RGS6: variants seen among roughly 807,000 people sequenced by gnomAD.
RGS6 encodes the protein regulator of G-protein signaling 6.
Under a neutral mutation model 78.5 loss-of-function variants are expected in RGS6, and 30 were observed. The ratio of observed to expected loss-of-function variants is 0.38; its 90% CI spans 0.29 to 0.52. RGS6 has a LOEUF of 0.52. RGS6 is among the 20% of genes least tolerant of loss of function. RGS6 has a pLI of 0.85. For missense variants in RGS6, 495 were observed against 609.7 expected, an observed-to-expected ratio of 0.81 and a Z score of 1.98; for synonymous variants, 206 against 206.0, an observed-to-expected ratio of 1.00 and a Z score of 0.00.
At chr14:72,356,817 A>G (rs372293720) in intron 3 of RGS6, among the ~76,000 whole-genome samples, 35 of 152,314 alleles carry the variant, frequency 2.3e-4, no homozygotes, top group Middle Eastern at 6.8e-3. Flanking sequence ...ACTTTCTGCC[A>G]TGATTGTAAG....
At chr14:72,251,293 T>C (rs563642718) in intron 2 of RGS6, among the ~76,000 whole-genome samples, 2 of 152,300 alleles carry the variant, frequency 1.3e-5, no homozygotes, top group African/African-American at 4.8e-5. Context: ...GAATTTTGCT[T>C]TCTTCTCTTC....
chr14:72,362,098 A>G (rs1032228333), intron 3 of RGS6, among the ~76,000 whole-genome samples: 1 of 152,210 alleles, frequency 6.6e-6, no homozygotes, highest in African/African-American at 2.4e-5. Context: ...TGAGTAATAA[A>G]TGCCTGCTGT....
chr14:72,623,324 A>C, the RGS6 span, among the ~76,000 whole-genome samples: 5,730 of 152,350 alleles, frequency 0.038, 373 homozygotes, highest in African/African-American at 0.13. Flanking sequence ...CCCTAAAAAA[A>C]ACAAAAGAAA....
At chr14:72,212,745 A>C (rs2044490384) in intron 2 of RGS6, among the ~76,000 whole-genome samples, 2 of 152,142 alleles carry the variant, frequency 1.3e-5, no homozygotes, top group Admixed American at 6.5e-5. Context: ...TTGTAGTTGG[A>C]CACAAACCCA....
chr14:72,611,116 C>T, the RGS6 span, among the ~76,000 whole-genome samples: 2 of 152,288 alleles, frequency 1.3e-5, no homozygotes, highest in East Asian at 1.9e-4. Flanking sequence ...CCTTGGGCCA[C>T]CCCCCACAGA....
chr14:72,083,606 C>A (rs1424914234), intron 2 of RGS6, among the ~76,000 whole-genome samples: 3 of 152,172 alleles, frequency 2.0e-5, no homozygotes, highest in Non-Finnish European at 4.4e-5. Flanking sequence ...AGCTGGTCTT[C>A]TGAGCTGCTC....
intron 17 of RGS6, among the ~76,000 whole-genome samples, chr14:72,555,121 G>A (rs2097554071): frequency 6.6e-6 from 1 of 152,208 alleles, no homozygotes; most frequent in Admixed American, 6.5e-5. Flanking sequence ...AAGTGGGGTT[G>A]GTTTTCATTA....
the RGS6 span, among the ~76,000 whole-genome samples, chr14:71,912,356 G>T: frequency 6.6e-6 from 1 of 152,092 alleles, no homozygotes; most frequent in South Asian, 2.1e-4. Context: ...TCAATTGGTT[G>T]GGCTTAGGAT....
chr14:72,607,862 C>G, the RGS6 span, among the ~76,000 whole-genome samples: 1 of 152,236 alleles, frequency 6.6e-6, no homozygotes, highest in Non-Finnish European at 1.5e-5. Flanking sequence ...ATGTCCGCAG[C>G]AACCATCAAT....
At chr14:72,001,893 A>C (rs866583614) in intron 2 of RGS6, among the ~76,000 whole-genome samples, 128 of 100,470 alleles carry the variant, frequency 1.3e-3, no homozygotes, top group African/African-American at 4.9e-3. Context: ...ACATCCATTA[A>C]TCTTTTTTTT....
At chr14:72,297,405 A>G (rs946250659) in intron 2 of RGS6, among the ~76,000 whole-genome samples, 7 of 150,014 alleles carry the variant, frequency 4.7e-5, no homozygotes, top group Non-Finnish European at 8.8e-5. Context: ...ATCCTTAAAC[A>G]TGGTATATAT....
chr14:72,327,466 G>A (rs893409733), intron 2 of RGS6, among the ~76,000 whole-genome samples: 8 of 152,170 alleles, frequency 5.3e-5, no homozygotes, highest in Non-Finnish European at 8.8e-5. Context: ...GTGCATTATT[G>A]TGCTTTGCTG....
At chr14:72,016,779 T>G (rs1231963548) in intron 2 of RGS6, among the ~76,000 whole-genome samples, 3 of 152,218 alleles carry the variant, frequency 2.0e-5, no homozygotes, top group African/African-American at 7.2e-5. Flanking sequence ...GGAATTTTTT[T>G]TGGCTATTCT....
At chr14:71,953,845 T>G (rs940511209) in intron 1 of RGS6, among the ~76,000 whole-genome samples, 1 of 152,132 alleles carries the variant, frequency 6.6e-6, no homozygotes, top group Non-Finnish European at 1.5e-5. Context: ...AACTTCTTTT[T>G]GCATTTCTTG....
chr14:72,599,714 G>A, the RGS6 span, among the ~76,000 whole-genome samples: 2 of 150,398 alleles, frequency 1.3e-5, no homozygotes, highest in African/African-American at 4.9e-5. Context: ...ATGAGCCACC[G>A]CGCCTGGCCA....
chr14:72,234,865 G>A (rs1013241993), intron 2 of RGS6, among the ~76,000 whole-genome samples: 11 of 151,890 alleles, frequency 7.2e-5, no homozygotes, highest in Admixed American at 5.2e-4. Context: ...TTGTTTTGTG[G>A]CTATAAGCTC....
chr14:72,244,739 A>G (rs773819433), intron 2 of RGS6, among the ~76,000 whole-genome samples: 14 of 152,214 alleles, frequency 9.2e-5, no homozygotes, highest in Non-Finnish European at 1.6e-4. Flanking sequence ...GGACGAAGCT[A>G]AGACCATGTA....
At chr14:72,253,211 C>T (rs941801550) in intron 2 of RGS6, among the ~76,000 whole-genome samples, 3 of 152,206 alleles carry the variant, frequency 2.0e-5, no homozygotes, top group East Asian at 1.9e-4. Context: ...GCTCTTCTCT[C>T]TGCCATGAGA....
chr14:72,009,705 T>C (rs926052917), intron 2 of RGS6, among the ~76,000 whole-genome samples: 6 of 152,286 alleles, frequency 3.9e-5, no homozygotes, highest in South Asian at 2.1e-4. Flanking sequence ...TCAGAAACCA[T>C]AGGATAATAA....
Sources: gnomAD v4.1 joint callset for allele counts (sites outside exome capture counted in the v4.1 genomes callset) on GRCh38, gnomAD v4.1.1 for gene constraint, MANE v1.5 for transcripts, NCBI Gene and HGNC (gene_info 2026-07-23, HGNC 2026-07-21) for gene names.